SEC13: variants seen among roughly 807,000 people sequenced by gnomAD.
The protein encoded by SEC13 is SEC13 homolog, nuclear pore and COPII component, also known as protein SEC13 homolog.
In SEC13, 25 loss-of-function variants were observed where a neutral mutation model predicts 49.2. The observed-to-expected ratio is 0.51, with a 90% CI of 0.37 to 0.71. The LOEUF (loss-of-function observed/expected upper bound fraction) is 0.71, where lower values mean the gene tolerates loss of function less well. Ranked by LOEUF, SEC13 falls within the 30% of genes least tolerant of loss-of-function variation. The pLI is 0.00. For missense variants in SEC13, 383 were observed against 417.6 expected, an observed-to-expected ratio of 0.92 and a Z score of 0.72; for synonymous variants, 148 against 163.9, an observed-to-expected ratio of 0.90 and a Z score of 0.74.
chr3:10,318,937 G>A (rs1418944140), intron 1 of SEC13, among the ~76,000 whole-genome samples: 1 of 152,242 alleles, frequency 6.6e-6, no homozygotes, highest in Non-Finnish European at 1.5e-5. Flanking sequence ...CATGGTCTGA[G>A]CCATCTGCAG....
intron 5 of SEC13, among the ~76,000 whole-genome samples, chr3:10,309,328 T>C (rs1701102986): frequency 6.6e-6 from 1 of 152,194 alleles, no homozygotes; most frequent in South Asian, 2.1e-4. Flanking sequence ...TACTTTTTGG[T>C]ATTCTGTTTT....
At chr3:10,311,937 C>G (rs1701288593) in intron 5 of SEC13, 28 bp downstream of exon 5, 1 of 1,614,034 alleles carries the variant, frequency 6.2e-7, no homozygotes, top group Non-Finnish European at 8.5e-7. Context: ...GGCGCTCTCA[C>G]TGCACGAAAG....
Position 10,301,099 on chromosome 3 carries a change from G to A in SEC13, c.*162C>T. Reference sequence around the variant, plus strand: ...GGACAGTAGATTACAAAGCATCTCCGATCACGTTAAGGCAGATGATCAATC... The same window carrying A: ...GGACAGTAGATTACAAAGCATCTCCAATCACGTTAAGGCAGATGATCAATC... On this transcript the variant is annotated 3_prime_UTR_variant, in exon 9 of 9. Coordinates refer to ENST00000350697, the MANE Select transcript of SEC13 (RefSeq NM_183352.3). 6.2e-7 allele frequency: 1 copy of A among 1,613,064 alleles called. No individual in the cohort carries two copies. Among genetic ancestry groups the A allele is most frequent in the South Asian group, 1.1e-5 (1 of 91,026 alleles).
Position 10,305,048 on chromosome 3 carries a change from G to A in SEC13, c.693C>T (p.Ile231=), listed in dbSNP as rs374647022. ...APSIGLPTST[I]ASCSQDGRVF... is the part of the protein sequence containing the mutation. ...CTGGGCTGACCTGGGAGCAGCTGGC[G>A]ATGGTGCTGGTGGGCAGGCCGATGG... is the stretch of plus-strand genomic sequence containing the variant. The change falls in exon 7 of 9, where the codon ATC becomes ATT. Residue 231 remains isoleucine (I), a synonymous_variant. Coordinates refer to ENST00000350697, the MANE Select transcript of SEC13 (RefSeq NM_183352.3). 5.6e-6 allele frequency: 9 copies of A among 1,614,130 alleles called. No homozygotes were observed. The highest frequency in any genetic ancestry group is 2.2e-5 in the South Asian group (2 of 91,086).
intron 1 of SEC13, among the ~76,000 whole-genome samples, chr3:10,320,006 GGAGAGAGAGAGA>G: frequency 9.7e-6 from 1 of 103,204 alleles, no homozygotes; most frequent in South Asian, 3.7e-4. Context: ...GGGAGGGTGG[GGAGAGAGAGAGA>G]GAGAGAGAGA....
intron 5 of SEC13, among the ~76,000 whole-genome samples, chr3:10,308,187 C>G (rs1284624429): frequency 6.6e-6 from 1 of 152,162 alleles, no homozygotes; most frequent in Non-Finnish European, 1.5e-5. Flanking sequence ...AGATAAGGAA[C>G]ATGCCCATCA....
intron 5 of SEC13, among the ~76,000 whole-genome samples, chr3:10,311,151 T>A (rs993198029): frequency 6.6e-6 from 1 of 152,140 alleles, no homozygotes. Context: ...AAGATGTGCA[T>A]GTTCACTTCA....
At chr3:10,307,538 A>G (rs1231618085) in intron 5 of SEC13, among the ~76,000 whole-genome samples, 2 of 152,140 alleles carry the variant, frequency 1.3e-5, no homozygotes, top group African/African-American at 2.4e-5. Flanking sequence ...GCAAGGGAGG[A>G]GCAAGTGACA....
chr3:10,317,037 A>C (rs560100790), intron 2 of SEC13, among the ~76,000 whole-genome samples: 1 of 151,510 alleles, frequency 6.6e-6, no homozygotes, highest in South Asian at 2.1e-4. Flanking sequence ...AGTACTTAGC[A>C]TGGGGCCTGA....
intron 3 of SEC13, chr3:10,313,467 T>C (rs755566069): frequency 8.9e-5 from 47 of 529,308 alleles, no homozygotes; most frequent in Non-Finnish European, 1.6e-4. Context: ...TAAGAATTCT[T>C]TCATAAAGTT....
chr3:10,302,024 C>G (rs1559488953), intron 8 of SEC13, among the ~76,000 whole-genome samples: 1 of 152,064 alleles, frequency 6.6e-6, no homozygotes, highest in African/African-American at 2.4e-5. Flanking sequence ...GGTGGATCAC[C>G]TGAGGCCAGG....
At chr3:10,315,281 A>T in intron 3 of SEC13, 40 bp downstream of exon 3, 1 of 1,449,586 alleles carries the variant, frequency 6.9e-7, no homozygotes, top group Non-Finnish European at 9.7e-7. Context: ...GAGAACCCAC[A>T]CCATTCCTGG....
chr3:10,305,793 G>C (rs2125249388), intron 5 of SEC13, 101 bp from the exon 6 acceptor site: 1 of 1,344,496 alleles, frequency 7.4e-7, no homozygotes, highest in Non-Finnish European at 1.0e-6. Flanking sequence ...CAGGACTGGA[G>C]TGTGTGTGAA....
intron 1 of SEC13, among the ~76,000 whole-genome samples, chr3:10,318,663 A>T (rs1426297119): frequency 6.6e-6 from 1 of 152,146 alleles, no homozygotes; most frequent in African/African-American, 2.4e-5. Context: ...GGGAGACTTG[A>T]TTCGAGTGTT....
chr3:10,301,970 G>C (rs1700554490), intron 8 of SEC13, among the ~76,000 whole-genome samples: 1 of 152,164 alleles, frequency 6.6e-6, no homozygotes, highest in African/African-American at 2.4e-5. Context: ...GGTCGGGCAT[G>C]GTGGCTCACG....
At position 10,301,265 on chromosome 3, in the gene SEC13, T is replaced by TGCTCGTTCTGCTGGCCCTCTGTCACTGA; in HGVS notation, c.937_964dup (p.Gln322LeufsTer33). On this transcript the variant is annotated frameshift_variant, in exon 9 of 9. Transcript: ENST00000350697. LOFTEE classifies it high-confidence loss of function. Reference sequence around the variant, plus strand: ...AGCCAGGCCCCACCTGTCTTGTCACTGCTCGTTCTGCTGGCCCTCTGTCAC... The same window carrying TGCTCGTTCTGCTGGCCCTCTGTCACTGA: ...AGCCAGGCCCCACCTGTCTTGTCACTGCTCGTTCTGCTGGCCCTCTGTCACTGAGCTCGTTCTGCTGGCCCTCTGTCAC... 6.2e-7 allele frequency: 1 copy of TGCTCGTTCTGCTGGCCCTCTGTCACTGA among 1,614,174 alleles called. No homozygotes were observed. The highest frequency in any genetic ancestry group is 8.5e-7 in the Non-Finnish European group (1 of 1,180,024).
chr3:10,308,056 A>T (rs983532920), intron 5 of SEC13, among the ~76,000 whole-genome samples: 3 of 152,218 alleles, frequency 2.0e-5, no homozygotes, highest in African/African-American at 7.2e-5. Flanking sequence ...CTTTACACTC[A>T]AAAGCTAATT....
chr3:10,306,674 G>A (rs1402474035), intron 5 of SEC13, among the ~76,000 whole-genome samples: 2 of 152,044 alleles, frequency 1.3e-5, no homozygotes, highest in African/African-American at 4.8e-5. Flanking sequence ...CCTGGTAGGA[G>A]GTAATTGTAT....
At chr3:10,316,128 C>CT (rs1701588536) in intron 2 of SEC13, among the ~76,000 whole-genome samples, 1 of 152,168 alleles carries the variant, frequency 6.6e-6, no homozygotes, top group Non-Finnish European at 1.5e-5. Flanking sequence ...TTGATGCTGA[C>CT]TGAGCATGCA....
Sources: gnomAD v4.1 joint callset for allele counts (sites outside exome capture counted in the v4.1 genomes callset) on GRCh38, gnomAD v4.1.1 for gene constraint, MANE v1.5 for transcripts, NCBI Gene and HGNC (gene_info 2026-07-23, HGNC 2026-07-21) for gene names.